Variants in ADGRL2 observed in about 807,000 individuals in gnomAD.
ADGRL2 encodes adhesion G protein-coupled receptor L2.
Under a neutral mutation model 157.4 loss-of-function variants are expected in ADGRL2, and 44 were observed. The ratio of observed to expected loss-of-function variants is 0.28; its 90% confidence interval spans 0.22 to 0.36. The LOEUF (loss-of-function observed/expected upper bound fraction) is 0.36, where lower values mean the gene tolerates loss of function less well. ADGRL2 is among the 10% of genes least tolerant of loss of function. ADGRL2 has a pLI of 1.00. For synonymous variants in ADGRL2, 585 were observed against 624.7 expected (o/e 0.94, Z 0.95); for missense variants, 1,510 against 1,768.9 (o/e 0.85, Z 2.63).
At chr1:81,706,401 A>T (rs1400075874) in intron 1 of ADGRL2, among the ~76,000 whole-genome samples, 1 of 152,010 alleles carries the variant, frequency 6.6e-6, no homozygotes. Context: ...TAGGAAACAT[A>T]GGAGGGGATG....
At position 81,943,846 on chromosome 1, in the gene ADGRL2, T is replaced by G. The variant is rs568458966; in HGVS notation, c.1210+77T>G. Reference sequence around the variant, plus strand: ...CTTTTTAAAGACTTCTTAATTTTTTTTTCCTATTTTCTTCCCCTTTTCATA... The same window carrying G: ...CTTTTTAAAGACTTCTTAATTTTTTGTTCCTATTTTCTTCCCCTTTTCATA... On this transcript the variant is annotated intron_variant, in intron 6 of 23. Transcript: ENST00000686636. This position sits in a 1 kb window ranked among gnomAD's most constrained non-coding sequence, Gnocchi z 5.6. The G allele has an allele frequency of 8.7e-7, 1 of 1,154,242 alleles. No individual in the cohort carries two copies. Among genetic ancestry groups the G allele is most frequent in the Admixed American group, 2.3e-5 (1 of 43,992 alleles). The allele number at this position is 1,154,242 out of a possible 1,614,324, so 71.5% of individuals were successfully genotyped here.
chr1:81,556,913 T>C (rs148768995), intron 2 of ADGRL2, among the ~76,000 whole-genome samples: 2,753 of 148,860 alleles, frequency 0.018, 84 homozygotes, highest in African/African-American at 0.065. Flanking sequence ...CCATCTCTAC[T>C]AAAAATACAC....
intron 2 of ADGRL2, among the ~76,000 whole-genome samples, chr1:81,500,709 A>T (rs543329335): frequency 6.6e-6 from 1 of 152,214 alleles, no homozygotes; most frequent in African/African-American, 2.4e-5. Flanking sequence ...ATGATGAAAC[A>T]GTTGTGAAAA....
intron 3 of ADGRL2, among the ~76,000 whole-genome samples, chr1:81,667,298 G>A (rs377691283): frequency 2.0e-4 from 31 of 152,072 alleles, no homozygotes; most frequent in African/African-American, 4.6e-4. Context: ...TATAATTCAC[G>A]TTTGTTTTCA....
Position 81,968,190 on chromosome 1 carries a change from G to A in ADGRL2, c.2514G>A (p.Arg838=). The change falls in exon 14 of 24, where the codon AGG becomes AGA. Residue 838 remains arginine, a synonymous_variant. Transcript: ENST00000686636. ...ATTTTGCAATTCTCATGGCCCACAG[G>A]GAAATTGCAGTAAGTATTTGCACTT... is the stretch of plus-strand genomic sequence containing the variant. The part of the protein sequence containing the change: ...LTNFAILMAH[R]EIAYKDGVHE... The A allele has an allele frequency of 6.2e-7, 1 of 1,610,730 alleles. No homozygotes were observed. The highest frequency in any genetic ancestry group is 8.5e-7 in the Non-Finnish European group (1 of 1,179,172).
At chr1:81,525,277 A>G (rs1036703965) in intron 2 of ADGRL2, among the ~76,000 whole-genome samples, 27 of 152,032 alleles carry the variant, frequency 1.8e-4, no homozygotes, top group Admixed American at 1.8e-3. Flanking sequence ...GGAGCCTAAC[A>G]TTCCACACGT....
intron 1 of ADGRL2, among the ~76,000 whole-genome samples, chr1:81,336,286 A>G (rs1661638929): frequency 6.6e-6 from 1 of 152,204 alleles, no homozygotes; most frequent in Non-Finnish European, 1.5e-5. Context: ...AAAAGTATGA[A>G]TGCGACTGAT....
intron 1 of ADGRL2, among the ~76,000 whole-genome samples, chr1:81,342,186 A>AC (rs1175221707): frequency 6.6e-6 from 1 of 152,162 alleles, no homozygotes; most frequent in Non-Finnish European, 1.5e-5. Flanking sequence ...AAAATTTCCC[A>AC]CCTGAATATT....
chr1:81,810,141 C>A (rs1166919691), intron 1 of ADGRL2, among the ~76,000 whole-genome samples: 3 of 151,912 alleles, frequency 2.0e-5, no homozygotes. Context: ...AAAGAGAATT[C>A]TGTTTTCTTC....
chr1:81,910,801 A>G (rs2094703227), intron 3 of ADGRL2, among the ~76,000 whole-genome samples: 1 of 148,514 alleles, frequency 6.7e-6, no homozygotes. Context: ...TATATTTCTC[A>G]AAAAATGTGA....
chr1:81,477,698 G>A (rs1193224472), intron 2 of ADGRL2, among the ~76,000 whole-genome samples: 3 of 152,170 alleles, frequency 2.0e-5, no homozygotes, highest in Non-Finnish European at 4.4e-5. Flanking sequence ...TAAATATACT[G>A]CATGTTAGAG....
intron 1 of ADGRL2, among the ~76,000 whole-genome samples, chr1:81,425,433 G>T (rs141916265): frequency 1.3e-5 from 2 of 151,948 alleles, no homozygotes; most frequent in Non-Finnish European, 2.9e-5. Flanking sequence ...TGTGTTAAAC[G>T]TGCATTAGGT....
At chr1:81,841,045 G>C (rs560104365) in intron 2 of ADGRL2, among the ~76,000 whole-genome samples, 2 of 152,096 alleles carry the variant, frequency 1.3e-5, no homozygotes, top group African/African-American at 4.8e-5. Context: ...ACACATGAAG[G>C]CTTGCTCAAG....
rs1352987902 is a variant in ADGRL2 at position 81,993,925 on chromosome 1, G to A, written c.*2780G>A. 1 of 233,266 alleles carries A rather than the reference G, an allele frequency of 4.3e-6. No homozygotes were observed. Among genetic ancestry groups the A allele is most frequent in the Non-Finnish European group, 8.9e-6 (1 of 112,898 alleles). The allele number at this position is 233,266 out of a possible 1,614,324, so 14.4% of individuals were successfully genotyped here. ...TAATAATAATAATAAACGTTATCTT[G>A]TTGGCCAGACTGGTCTCCAACTCCT... On this transcript the variant is annotated 3_prime_UTR_variant, in exon 24 of 24. Coordinates refer to ENST00000686636, the MANE Select transcript of ADGRL2 (RefSeq NM_001366006.2).
chr1:81,577,079 T>C (rs551250985), intron 2 of ADGRL2, among the ~76,000 whole-genome samples: 5 of 152,312 alleles, frequency 3.3e-5, no homozygotes, highest in Non-Finnish European at 5.9e-5. Flanking sequence ...TCTATTACTG[T>C]CCCTATTAAT....
chr1:81,955,478 T>A (rs1653196220), intron 10 of ADGRL2, among the ~76,000 whole-genome samples: 1 of 152,146 alleles, frequency 6.6e-6, no homozygotes, highest in South Asian at 2.1e-4. Flanking sequence ...GACATCAGTA[T>A]TTTTGGTTTA....
At chr1:81,476,573 G>A (rs1468071904) in intron 2 of ADGRL2, among the ~76,000 whole-genome samples, 1 of 152,020 alleles carries the variant, frequency 6.6e-6, no homozygotes, top group African/African-American at 2.4e-5. Flanking sequence ...TTATTGAAAC[G>A]TTGTGCCTGC....
intron 2 of ADGRL2, among the ~76,000 whole-genome samples, chr1:81,566,502 A>G (rs1020489335): frequency 5.3e-5 from 8 of 152,170 alleles, no homozygotes; most frequent in African/African-American, 1.9e-4. Flanking sequence ...GAGTCTATTG[A>G]AAATTTTGCA....
chr1:81,961,857 T>C lies in ADGRL2; in HGVS notation c.2018-4201T>C, dbSNP rs897728607. On this transcript the variant is annotated intron_variant, in intron 11 of 23. Transcript: ENST00000686636. ...GCATTTTATTTTTTATATTTACATA[T>C]GCTGATATGTGTATCTGTAGTTCAT... 6.6e-5 allele frequency among the ~76,000 whole-genome samples: 10 copies of C among 152,310 alleles called. No individual in the cohort carries two copies. The East Asian group carries it at 1.9e-3, about 29-fold the overall frequency.
Sources: gnomAD v4.1 joint callset for allele counts (sites outside exome capture counted in the v4.1 genomes callset) on GRCh38, gnomAD v4.1.1 for gene constraint, Gnocchi (gnomAD v3.1) non-coding constraint, MANE v1.5 for transcripts, NCBI Gene and HGNC (gene_info 2026-07-23, HGNC 2026-07-21) for gene names.